The following SNTB1 variants were observed in gnomAD, a reference collection of about 807,000 sequenced individuals.
SNTB1 encodes syntrophin beta 1.
Under a neutral mutation model 48.9 loss-of-function variants are expected in SNTB1, and 36 were observed. The observed-to-expected ratio is 0.74, with a 90% CI of 0.56 to 0.97. The LOEUF (loss-of-function observed/expected upper bound fraction) is 0.97. SNTB1 is among the 50% of genes least tolerant of loss of function. The pLI is 0.00. For synonymous variants in SNTB1, 299 were observed against 294.6 expected (o/e 1.01, Z -0.15); for missense variants, 786 against 703.4 (o/e 1.12, Z -1.33).
intron 1 of SNTB1, among the ~76,000 whole-genome samples, chr8:120,795,020 T>C (rs1369868448): frequency 4.6e-5 from 7 of 152,038 alleles, no homozygotes; most frequent in Non-Finnish European, 4.4e-5. Context: ...ATTGCCAGAT[T>C]CAGCAAAGAA....
chr8:120,538,017 T>C lies in SNTB1; in HGVS notation c.*860A>G, dbSNP rs1257488029. ...CTCCAACAATGTGAGTTGTTTTATG[T>C]GTATATCAGATGACAATATTTTCTG... On this transcript the variant is annotated 3_prime_UTR_variant, in exon 7 of 7. Transcript: ENST00000517992. 6.6e-6 allele frequency: 1 copy of C among 152,268 alleles called. No individual in the cohort carries two copies. Among genetic ancestry groups the C allele is most frequent in the African/African-American group, 2.4e-5 (1 of 41,458 alleles). 9.4% of individuals were successfully genotyped at this position (152,268 alleles called of 1,614,324 possible).
At chr8:120,697,362 A>AT (rs753957560) in intron 1 of SNTB1, among the ~76,000 whole-genome samples, 2 of 152,234 alleles carry the variant, frequency 1.3e-5, no homozygotes, top group Non-Finnish European at 2.9e-5. Flanking sequence ...AGGTGTGATA[A>AT]TTTTAAAATT....
At chr8:120,765,215 ACT>A (rs1026962429) in intron 1 of SNTB1, among the ~76,000 whole-genome samples, 2 of 152,136 alleles carry the variant, frequency 1.3e-5, no homozygotes, top group Non-Finnish European at 2.9e-5. Flanking sequence ...ACAGATCAAG[ACT>A]CTGTCTCAAA....
At chr8:120,579,191 A>G (rs920312042) in intron 3 of SNTB1, among the ~76,000 whole-genome samples, 4 of 151,712 alleles carry the variant, frequency 2.6e-5, no homozygotes, top group Admixed American at 6.6e-5. Flanking sequence ...CAAACAAACA[A>G]ACAAACAAAC....
At position 120,811,465 on chromosome 8, in the gene SNTB1, T is replaced by G. The variant is rs1477000955; in HGVS notation, c.379A>C (p.Ile127Leu). 2.5e-6 allele frequency: 4 copies of G among 1,613,898 alleles called. No homozygotes were observed. In the Admixed American group the frequency reaches 6.7e-5, roughly 27 times the overall value. Reference protein sequence around the residue: ...KQELGGLGISIKGGKENKMPI... With the variant: ...KQELGGLGISLKGGKENKMPI... ...ATCTTGTTCTCCTTGCCCCCCTTGA[T>G]GCTGATCCCCAGCCCGCCCAGCTCC... Residue 127 changes from isoleucine to leucine, a missense_variant, in exon 1 of 7, where the codon ATC becomes CTC. Ile to Leu is a conservative substitution (Grantham distance 5, BLOSUM62 2). Transcript: ENST00000517992.
chr8:120,661,621 A>G (rs564624054), intron 2 of SNTB1, among the ~76,000 whole-genome samples: 1 of 152,208 alleles, frequency 6.6e-6, no homozygotes, highest in Non-Finnish European at 1.5e-5. Context: ...TGCATTAGGT[A>G]TGTGTCCTAA....
Position 120,538,705 on chromosome 8 carries a change from T to C in SNTB1, c.*172A>G. On this transcript the variant is annotated 3_prime_UTR_variant, in exon 7 of 7. Transcript: ENST00000517992. ...TGGTACTTTCGCAGGGTATCCCTTGTAGTTGCTGAAACTGACAGAGGAGTC... is the reference window on the plus strand; with the variant it reads ...TGGTACTTTCGCAGGGTATCCCTTGCAGTTGCTGAAACTGACAGAGGAGTC... 2 of 692,426 alleles carry C rather than the reference T, an allele frequency of 2.9e-6. No individual in the cohort carries two copies. The highest frequency in any genetic ancestry group is 1.5e-5 in the South Asian group (1 of 67,176). The allele number at this position is 692,426 out of a possible 1,614,324, so 42.9% of individuals were successfully genotyped here. A position where few individuals can be genotyped will look rare whatever the true frequency, so the allele number is the denominator to read the frequency against.
intron 1 of SNTB1, among the ~76,000 whole-genome samples, chr8:120,759,888 T>C (rs1819386640): frequency 6.6e-6 from 1 of 152,124 alleles, no homozygotes; most frequent in South Asian, 2.1e-4. Flanking sequence ...CATCATTTGA[T>C]TTTCAACTCA....
At position 120,548,845 on chromosome 8, in the gene SNTB1, G is replaced by C. The variant is rs774535850; in HGVS notation, c.1250C>G (p.Thr417Ser). The change falls in exon 5 of 7, where the codon ACC becomes AGC. Residue 417 changes from threonine (T) to serine (S), a missense_variant. By Grantham distance (58) the Thr-to-Ser change is moderately conservative. Transcript: ENST00000517992. ...GIETHLFRAETSRDLSHWTRS... is the reference protein window; with the variant it reads ...GIETHLFRAESSRDLSHWTRS... The stretch of plus-strand genomic sequence containing the variant: ...TGTCCAGTGGGAGAGGTCCCTGCTG[G>C]TCTCTGCTCTGAAGAGATGTGTTTC... The C allele has an allele frequency of 6.2e-7, 1 of 1,614,064 alleles. No individual in the cohort carries two copies.
intron 2 of SNTB1, chr8:120,637,110 C>CTTGGAAGAGAAACTTCT: frequency 2.9e-6 from 1 of 340,074 alleles, no homozygotes; most frequent in Non-Finnish European, 5.8e-6. Context: ...TGTTTGCAGG[C>CTTGGAAGAGAAACTTCT]TTGGAAGAGA....
At chr8:120,659,826 C>T (rs573310985) in intron 2 of SNTB1, among the ~76,000 whole-genome samples, 4 of 152,264 alleles carry the variant, frequency 2.6e-5, no homozygotes, top group African/African-American at 7.2e-5. Flanking sequence ...TAAAATTACT[C>T]CTTGATCTAT....
At chr8:120,567,736 C>A (rs144412269) in intron 4 of SNTB1, among the ~76,000 whole-genome samples, 2,466 of 151,972 alleles carry the variant, frequency 0.016, 67 homozygotes, top group African/African-American at 0.057. Context: ...ATTACCATGG[C>A]CTTCTTGATA....
intron 4 of SNTB1, among the ~76,000 whole-genome samples, chr8:120,554,146 C>T (rs1815526567): frequency 6.6e-6 from 1 of 152,192 alleles, no homozygotes; most frequent in Non-Finnish European, 1.5e-5. Flanking sequence ...ACATTCTCCC[C>T]ATGAGTGCCT....
At chr8:120,638,857 A>G (rs554676380) in intron 2 of SNTB1, among the ~76,000 whole-genome samples, 21 of 152,344 alleles carry the variant, frequency 1.4e-4, no homozygotes, top group African/African-American at 5.1e-4. Context: ...TAGTGCTGCA[A>G]TAAACATACG....
chr8:120,571,937 C>A (rs1445166196), intron 4 of SNTB1, among the ~76,000 whole-genome samples: 1 of 152,094 alleles, frequency 6.6e-6, no homozygotes, highest in African/African-American at 2.4e-5. Flanking sequence ...TGGTTCCTCA[C>A]CCCTGAAAAC....
chr8:120,671,637 T>C (rs1378948831), intron 2 of SNTB1, among the ~76,000 whole-genome samples: 2 of 152,210 alleles, frequency 1.3e-5, no homozygotes, highest in Non-Finnish European at 2.9e-5. Context: ...AATGCCTTGA[T>C]TTTGAACTCC....
chr8:120,685,388 A>G (rs1311800182), intron 2 of SNTB1, among the ~76,000 whole-genome samples: 1 of 152,054 alleles, frequency 6.6e-6, no homozygotes, highest in Non-Finnish European at 1.5e-5. Context: ...CTGCTTGTGC[A>G]CCCTGTGTAT....
At chr8:120,559,838 A>G (rs997968915) in intron 4 of SNTB1, among the ~76,000 whole-genome samples, 1 of 152,164 alleles carries the variant, frequency 6.6e-6, no homozygotes, top group African/African-American at 2.4e-5. Flanking sequence ...GTAAAATTAC[A>G]TATTAGGTAA....
At chr8:120,785,439 G>C (rs1039842597) in intron 1 of SNTB1, among the ~76,000 whole-genome samples, 1 of 152,202 alleles carries the variant, frequency 6.6e-6, no homozygotes, top group Non-Finnish European at 1.5e-5. Flanking sequence ...CGTGGGAGCT[G>C]AGTGCAGCTT....
Sources: gnomAD v4.1 joint callset for allele counts (sites outside exome capture counted in the v4.1 genomes callset) on GRCh38, gnomAD v4.1.1 for gene constraint, MANE v1.5 for transcripts, NCBI Gene and HGNC (gene_info 2026-07-23, HGNC 2026-07-21) for gene names.